Variants in AGAP1 observed in about 807,000 individuals in gnomAD.
AGAP1 encodes the protein ArfGAP with GTPase domain, ankyrin repeat and PH domain 1, also known as arf-GAP with GTPase, ANK repeat and PH domain-containing protein 1.
In AGAP1, 29 loss-of-function variants were observed where a neutral mutation model predicts 105.3. The ratio of observed to expected loss-of-function variants is 0.28; its 90% CI spans 0.21 to 0.38. AGAP1 has a LOEUF of 0.38. Ranked by LOEUF, AGAP1 falls within the 10% of genes least tolerant of loss-of-function variation. AGAP1 has a pLI of 1.00. For synonymous variants in AGAP1, 509 were observed against 485.9 expected (o/e 1.05, Z -0.63); for missense variants, 998 against 1,165.1 (o/e 0.86, Z 2.09).
At chr2:236,102,261 C>CA (rs1296168848) in intron 16 of AGAP1, among the ~76,000 whole-genome samples, 4 of 151,900 alleles carry the variant, frequency 2.6e-5, no homozygotes, top group East Asian at 3.9e-4. Flanking sequence ...ACTAAAAATA[C>CA]AAAAAATTAG....
chr2:235,764,029 T>TG lies in AGAP1; in HGVS notation c.673+13541_673+13542insG, dbSNP rs543435558. 4.6e-3 allele frequency among the ~76,000 whole-genome samples: 693 copies of TG among 152,076 alleles called. 2 individuals are homozygous for TG. The highest frequency in any genetic ancestry group is 0.013 in the African/African-American group (544 of 41,470). On this transcript the variant is annotated intron_variant, in intron 6 of 17. Coordinates refer to ENST00000304032, the MANE Select transcript of AGAP1 (RefSeq NM_001037131.3). ...TGCGTGGCTGTGACCCGTGCGTGGCTTTGGCCCGTGCGTGGCTCCGGCCCG... is the reference window on the plus strand; with the variant it reads ...TGCGTGGCTGTGACCCGTGCGTGGCTGTTGGCCCGTGCGTGGCTCCGGCCCG...
rs989022870 is a variant in AGAP1, at chr2:235,979,766, T to A, written c.1645+11143T>A. Among the ~76,000 whole-genome samples the A allele has an allele frequency of 6.6e-6, 1 of 152,110 alleles. No homozygotes were observed. Among genetic ancestry groups the A allele is most frequent in the Admixed American group, 6.5e-5 (1 of 15,268 alleles). On this transcript the variant is annotated intron_variant, in intron 13 of 17. Transcript: ENST00000304032. The surrounding 1 kb of genome is among the most constrained non-coding windows in gnomAD (Gnocchi z 4.5). ...TAAAATCAATGACATTGTATCAGAG[T>A]TCATGAAAAGTGCCTACTGCACACA...
rs548538556 is a variant in AGAP1 at position 235,988,033 on chromosome 2, T to G, written c.1645+19410T>G. ...TAAAACTCCTTTTGTTATTTTGTGT[T>G]TGTTCGTTTGTTCTGTTTTGTTTTT... On this transcript the variant is annotated intron_variant, in intron 13 of 17. Transcript: ENST00000304032. The surrounding 1 kb of genome is among the most constrained non-coding windows in gnomAD (Gnocchi z 4.7). Among the ~76,000 whole-genome samples, 21 of 151,482 alleles carry G rather than the reference T, an allele frequency of 1.4e-4. No individual in the cohort carries two copies. The highest frequency in any genetic ancestry group is 5.2e-4 in the African/African-American group (21 of 40,774).
At chr2:235,910,089 A>T (rs1363644710) in intron 11 of AGAP1, among the ~76,000 whole-genome samples, 1 of 152,190 alleles carries the variant, frequency 6.6e-6, no homozygotes, top group Non-Finnish European at 1.5e-5. Context: ...CTTCTGAAAC[A>T]TCAAGTGCTT....
At chr2:235,827,759 C>A (rs777647035) in intron 9 of AGAP1, among the ~76,000 whole-genome samples, 6 of 152,158 alleles carry the variant, frequency 3.9e-5, no homozygotes, top group Non-Finnish European at 7.3e-5. Flanking sequence ...ATAGCTTGCC[C>A]GTACTAAAAG....
chr2:235,748,736 C>G (rs575992963), intron 5 of AGAP1, among the ~76,000 whole-genome samples: 3 of 152,310 alleles, frequency 2.0e-5, no homozygotes, highest in African/African-American at 7.2e-5. Context: ...ATGAAGTTCT[C>G]AAATGCCCTT....
chr2:236,032,488 G>A (rs1391074476), intron 13 of AGAP1, among the ~76,000 whole-genome samples: 3 of 152,198 alleles, frequency 2.0e-5, no homozygotes, highest in Non-Finnish European at 4.4e-5. Flanking sequence ...AGGGGGGTCA[G>A]TGAGAAAGAA....
chr2:235,687,495 C>G (rs1222803117), intron 1 of AGAP1, among the ~76,000 whole-genome samples: 1 of 152,058 alleles, frequency 6.6e-6, no homozygotes, highest in African/African-American at 2.4e-5. Context: ...TCGTAATAGC[C>G]CTTCATCGTA....
intron 16 of AGAP1, among the ~76,000 whole-genome samples, chr2:236,103,221 C>T (rs1293574259): frequency 1.3e-5 from 2 of 152,186 alleles, no homozygotes; most frequent in African/African-American, 4.8e-5. Context: ...CCGCCCACTG[C>T]CTCCCAGAAA....
rs928303827 is a variant in AGAP1 at position 235,494,962 on chromosome 2, G to C, written c.163+113G>C. 7 of 1,128,550 alleles carry C rather than the reference G, an allele frequency of 6.2e-6. No individual in the cohort carries two copies. In the African/African-American group the frequency reaches 1.2e-4, roughly 19 times the overall value. 69.9% of individuals were successfully genotyped at this position (1,128,550 alleles called of 1,614,324 possible). A position where few individuals can be genotyped will look rare whatever the true frequency, so the allele number is the denominator to read the frequency against. Reference sequence around the variant, plus strand: ...CACACGCCGGCCGGGGCACGCGGCTGCTCCGCCGAGGGAGCACTGCGGCGC... The same window carrying C: ...CACACGCCGGCCGGGGCACGCGGCTCCTCCGCCGAGGGAGCACTGCGGCGC... On this transcript the variant is annotated intron_variant, in intron 1 of 17. Transcript: ENST00000304032.
intron 16 of AGAP1, among the ~76,000 whole-genome samples, chr2:236,071,837 C>T (rs1370818554): frequency 6.6e-6 from 1 of 152,206 alleles, no homozygotes; most frequent in Non-Finnish European, 1.5e-5. Context: ...CAGCAGCCTC[C>T]TGAGACAGAC....
At chr2:235,999,682 T>TGAGGATGGTGAGA (rs1576015958) in intron 13 of AGAP1, among the ~76,000 whole-genome samples, 1 of 151,816 alleles carries the variant, frequency 6.6e-6, no homozygotes, top group African/African-American at 2.4e-5. Context: ...GTGGTGGTGG[T>TGAGGATGGTGAGA]GGTCGTGGTG....
intron 10 of AGAP1, among the ~76,000 whole-genome samples, chr2:235,892,440 A>G (rs748633968): frequency 2.6e-5 from 4 of 152,158 alleles, no homozygotes; most frequent in Non-Finnish European, 4.4e-5. Context: ...TGGACTCTCT[A>G]AAATTATCAT....
rs1210444837 is a variant in AGAP1 at position 236,121,344 on chromosome 2, A to T, written c.2370+897A>T. ...GAGACAGAGTCTCGCTCTGTCACCC[A>T]GGCTGGAGTGCAGTGGTGCGATCTC... On this transcript the variant is annotated intron_variant, in intron 17 of 17. Transcript: ENST00000304032. The surrounding 1 kb of genome is among the most constrained non-coding windows in gnomAD (Gnocchi z 4.9). Among the ~76,000 whole-genome samples, 1 of 152,200 alleles carries T rather than the reference A, an allele frequency of 6.6e-6. No homozygotes were observed. Among genetic ancestry groups the T allele is most frequent in the African/African-American group, 2.4e-5 (1 of 41,472 alleles).
At position 236,053,959 on chromosome 2, in the gene AGAP1, C is replaced by G. The variant is rs2057981481; in HGVS notation, c.2114+4678C>G. ...TTCCCCCCATTATTTGTAAGTTCAC[C>G]TCTGTGCCTAAACTCCCTTCTTGTC... On this transcript the variant is annotated intron_variant, in intron 16 of 17. Transcript: ENST00000304032. This position sits in a 1 kb window ranked among gnomAD's most constrained non-coding sequence, Gnocchi z 4.6. Among the ~76,000 whole-genome samples, 1 of 152,106 alleles carries G rather than the reference C, an allele frequency of 6.6e-6. No individual in the cohort carries two copies. The highest frequency in any genetic ancestry group is 6.5e-5 in the Admixed American group (1 of 15,274).
intron 13 of AGAP1, among the ~76,000 whole-genome samples, chr2:235,991,334 G>C (rs1163543660): frequency 1.3e-5 from 2 of 152,098 alleles, no homozygotes; most frequent in Non-Finnish European, 2.9e-5. Flanking sequence ...AATATTTGTA[G>C]GGTTTATTCT....
intron 16 of AGAP1, among the ~76,000 whole-genome samples, chr2:236,075,161 T>C (rs2058603161): frequency 1.3e-5 from 2 of 152,204 alleles, no homozygotes; most frequent in East Asian, 3.9e-4. Context: ...GTTGCGTCGG[T>C]GTGGAAAGGA....
intron 1 of AGAP1, among the ~76,000 whole-genome samples, chr2:235,589,194 GTTT>G (rs928149334): frequency 1.7e-5 from 1 of 59,584 alleles, no homozygotes; most frequent in Non-Finnish European, 2.9e-5. Flanking sequence ...TTATTGTTTT[GTTT>G]TTTTTTTTTT....
chr2:235,658,346 T>G (rs149046338), intron 1 of AGAP1, among the ~76,000 whole-genome samples: 179 of 152,362 alleles, frequency 1.2e-3, no homozygotes, highest in African/African-American at 4.2e-3. Context: ...TCTGGATGTG[T>G]TCAGAGAAAT....
Sources: allele counts gnomAD v4.1 joint callset (sites outside exome capture counted in the v4.1 genomes callset), GRCh38; gene constraint gnomAD v4.1.1; non-coding constraint Gnocchi (gnomAD v3.1); transcripts MANE v1.5; gene names NCBI Gene and HGNC (gene_info 2026-07-23, HGNC 2026-07-21).